The following ABCC11 variants were observed in gnomAD, a reference collection of about 807,000 sequenced individuals.
The protein encoded by ABCC11 is ATP-binding cassette sub-family C member 11.
A neutral mutation model predicts 149.3 loss-of-function variants in ABCC11; 135 were observed. That is an observed-to-expected ratio of 0.90 (90% CI 0.79 to 1.04). The LOEUF (loss-of-function observed/expected upper bound fraction) is 1.04, where lower values mean the gene tolerates loss of function less well. Ranked by LOEUF, ABCC11 falls within the 50% of genes least tolerant of loss-of-function variation. The pLI is 0.00. For missense variants in ABCC11, 1,680 were observed against 1,722.1 expected (o/e 0.98, Z 0.43); for synonymous variants, 665 against 671.4 (o/e 0.99, Z 0.15).
At chr16:48,193,100 A>G (rs1209641793) in intron 19 of ABCC11, among the ~76,000 whole-genome samples, 1 of 152,194 alleles carries the variant, frequency 6.6e-6, no homozygotes, top group Non-Finnish European at 1.5e-5. Context: ...CTCAGTGGCA[A>G]CTGTGGGCAG....
At chr16:48,193,658 G>A (rs919980043) in intron 19 of ABCC11, among the ~76,000 whole-genome samples, 9 of 151,922 alleles carry the variant, frequency 5.9e-5, no homozygotes, top group African/African-American at 9.7e-5. Context: ...TGGTTTTCCA[G>A]TAAGACTGCA....
Position 48,198,280 on chromosome 16 carries a change from A to G in ABCC11, c.2083-5T>C, listed in dbSNP as rs781698650. 2 of 1,613,910 alleles carry G rather than the reference A, an allele frequency of 1.2e-6. No individual in the cohort carries two copies. The highest frequency in any genetic ancestry group is 2.7e-5 in the African/African-American group (2 of 74,926). On this transcript the variant is annotated splice_region_variant and splice_polypyrimidine_tract_variant and intron_variant, in intron 15 of 29. Transcript: ENST00000356608. ...CTGGCCACAAAATTCTAAGTACTGG[A>G]CAGTCAAAAGAAAGAAAGGCTTCAG...
intron 23 of ABCC11, among the ~76,000 whole-genome samples, chr16:48,183,890 C>A (rs16945919): frequency 0.22 from 33,714 of 152,162 alleles, 4,579 homozygotes; most frequent in African/African-American, 0.38. Context: ...TCAAACCCCC[C>A]GGCTAAGGTC....
Position 48,203,286 on chromosome 16 carries a change from A to G in ABCC11, c.1820T>C (p.Leu607Pro), listed in dbSNP as rs760275938. 1 of 1,580,202 alleles carries G rather than the reference A, an allele frequency of 6.3e-7. No individual in the cohort carries two copies. The highest frequency in any genetic ancestry group is 1.2e-5 in the South Asian group (1 of 86,036). The change falls in exon 14 of 30, where the codon CTC becomes CCC. Residue 607 changes from leucine to proline, a missense_variant. By Grantham distance (98) the Leu-to-Pro change is moderately conservative (BLOSUM62 -3). Coordinates refer to ENST00000356608, the MANE Select transcript of ABCC11 (RefSeq NM_001370497.1). Reference sequence around the variant, plus strand: ...GTCCCGATTCAGGGAGCAGCAGTGGAGCACCTGGAGGTATCTGTGAAGGAC... The same window carrying G: ...GTCCCGATTCAGGGAGCAGCAGTGGGGCACCTGGAGGTATCTGTGAAGGAC... ...AYDKARYLQV[L>P]HCCSLNRDLE... is the part of the protein sequence containing the mutation.
chr16:48,245,702 A>G (rs1971337218), intron 1 of ABCC11, among the ~76,000 whole-genome samples: 4 of 152,250 alleles, frequency 2.6e-5, no homozygotes, highest in South Asian at 2.1e-4. Context: ...TACATTTTAT[A>G]TGGATTAAAT....
At chr16:48,185,800 C>T (rs1250045583) in intron 22 of ABCC11, among the ~76,000 whole-genome samples, 1 of 152,100 alleles carries the variant, frequency 6.6e-6, no homozygotes, top group African/African-American at 2.4e-5. Context: ...GAGGCCTTCC[C>T]AGATTAAACA....
intron 6 of ABCC11, 36 bp downstream of exon 6, chr16:48,222,562 A>G (rs1293885901): frequency 6.3e-7 from 1 of 1,576,210 alleles, no homozygotes; most frequent in East Asian, 2.2e-5. Context: ...AAGGGTAGGG[A>G]AGCATGGCCC....
intron 10 of ABCC11, among the ~76,000 whole-genome samples, chr16:48,212,527 G>C (rs1403657469): frequency 2.6e-5 from 4 of 152,320 alleles, no homozygotes; most frequent in African/African-American, 9.6e-5. Flanking sequence ...TGCGACCTGT[G>C]ACCCAGGTTG....
chr16:48,231,982 T>G (rs577047378), intron 1 of ABCC11, 43 bp from the exon 2 acceptor site: 170 of 1,610,854 alleles, frequency 1.1e-4, no homozygotes, highest in Non-Finnish European at 1.4e-4. Context: ...ACAGCAGGAG[T>G]TAGAAGAAGC....
At chr16:48,237,038 G>A (rs762260217) in intron 1 of ABCC11, among the ~76,000 whole-genome samples, 3 of 152,020 alleles carry the variant, frequency 2.0e-5, no homozygotes, top group South Asian at 2.1e-4. Flanking sequence ...TGCAACCTCC[G>A]GCATAAGTGG....
Position 48,206,722 on chromosome 16 carries a change from A to G in ABCC11, c.1681-1185T>C, listed in dbSNP as rs1968480920. On this transcript the variant is annotated intron_variant, in intron 12 of 29. Transcript: ENST00000356608. ...GAGGCTGCCAGGCAATGCTGCTGTG[A>G]TGTAGAACAGAGCTCTGACCTCAGG... 2.0e-5 allele frequency among the ~76,000 whole-genome samples: 3 copies of G among 152,190 alleles called. No individual in the cohort carries two copies. The South Asian group carries it at 6.2e-4, about 31-fold the overall frequency.
chr16:48,228,389 T>A (rs1207876642), intron 3 of ABCC11, among the ~76,000 whole-genome samples: 1 of 151,634 alleles, frequency 6.6e-6, no homozygotes, highest in Admixed American at 6.6e-5. Flanking sequence ...AGGTCAGGAG[T>A]TCGAGACCAG....
chr16:48,205,611 T>C, intron 12 of ABCC11, 74 bp from the exon 13 acceptor site: 1 of 1,563,348 alleles, frequency 6.4e-7, no homozygotes, highest in Non-Finnish European at 8.6e-7. Flanking sequence ...GCAGGCACAG[T>C]GCCCAGGGCC....
In ABCC11 at chr16:48,193,979, T is replaced by A. The variant is rs1967155066; in HGVS notation, c.2408A>T (p.Tyr803Phe). ...GAAGAAAATTATGCAAGAGACCATG[T>A]AACCTGGGAGGGAGACAGTGGTGAT... ...YHHYIQAAGG[Y>F]MVSCIIFFFV... is the part of the protein sequence containing the mutation. The change falls in exon 19 of 30, where the codon TAC (tyrosine) becomes TTC (phenylalanine). Residue 803 changes from tyrosine to phenylalanine, a missense_variant. Tyr to Phe is a conservative substitution (Grantham distance 22). Transcript: ENST00000356608. 2.5e-6 allele frequency: 4 copies of A among 1,609,856 alleles called. No homozygotes were observed. Among genetic ancestry groups the A allele is most frequent in the Non-Finnish European group, 3.4e-6 (4 of 1,176,282 alleles).
chr16:48,240,729 C>T (rs575007488), intron 1 of ABCC11, among the ~76,000 whole-genome samples: 63 of 151,544 alleles, frequency 4.2e-4, no homozygotes, highest in African/African-American at 1.4e-3. Context: ...ATTACTTTTG[C>T]ACCAACCTAA....
At chr16:48,188,484 T>C (rs780176762) in intron 20 of ABCC11, among the ~76,000 whole-genome samples, 1 of 152,234 alleles carries the variant, frequency 6.6e-6, no homozygotes, top group Non-Finnish European at 1.5e-5. Context: ...TTGGATCAAA[T>C]TTAGCCTTAA....
intron 5 of ABCC11, among the ~76,000 whole-genome samples, 186 bp from the exon 6 acceptor site, chr16:48,223,017 A>T (rs1183361079): frequency 6.6e-6 from 1 of 152,238 alleles, no homozygotes; most frequent in East Asian, 1.9e-4. Flanking sequence ...TAGGAGTTCA[A>T]CTGACCCAGT....
intron 25 of ABCC11, chr16:48,176,105 C>A (rs191864328): frequency 6.6e-6 from 1 of 152,232 alleles, no homozygotes. Flanking sequence ...CAGACCCCAG[C>A]CCTCTCAGGG....
chr16:48,176,838 C>A, intron 25 of ABCC11, 86 bp downstream of exon 25: 1 of 1,431,240 alleles, frequency 7.0e-7, no homozygotes, highest in Non-Finnish European at 9.4e-7. Flanking sequence ...TGGGGGATGA[C>A]TGAGCAAACA....
Sources: allele counts gnomAD v4.1 joint callset (sites outside exome capture counted in the v4.1 genomes callset), GRCh38; gene constraint gnomAD v4.1.1; transcripts MANE v1.5; gene names NCBI Gene and HGNC (gene_info 2026-07-23, HGNC 2026-07-21).